Variants in ULK1 observed in about 807,000 individuals in gnomAD.
ULK1 encodes serine/threonine-protein kinase ULK1.
In ULK1, 48 loss-of-function variants were observed where a neutral mutation model predicts 117.5. The ratio of observed to expected loss-of-function variants is 0.41; its 90% confidence interval spans 0.32 to 0.52. ULK1 has a LOEUF of 0.52. Ranked by LOEUF, ULK1 falls within the 20% of genes least tolerant of loss-of-function variation. The pLI is 0.29. For synonymous variants in ULK1, 790 were observed against 637.8 expected (o/e 1.24, Z -3.60); for missense variants, 1,387 against 1,473.4 (o/e 0.94, Z 0.96).
At chr12:131,895,893 C>A in intron 3 of ULK1, 69 bp downstream of exon 3, 1 of 1,583,892 alleles carries the variant, frequency 6.3e-7, no homozygotes, top group South Asian at 1.1e-5. Flanking sequence ...GCTGGATCCC[C>A]TGGTGAGCAC....
chr12:131,912,061 C>G lies in ULK1; in HGVS notation c.1068C>G (p.Asp356Glu), dbSNP rs1406114642. 2.5e-6 allele frequency: 4 copies of G among 1,612,472 alleles called. No homozygotes were observed. Among genetic ancestry groups the G allele is most frequent in the Admixed American group, 1.7e-5 (1 of 59,958 alleles). The change falls in exon 13 of 28, where the codon GAC (aspartate) becomes GAG (glutamate). Residue 356 changes from aspartate (D) to glutamate (E), a missense_variant. By Grantham distance (45) the Asp-to-Glu change is conservative (BLOSUM62 2). Around this residue, in one of 4 missense-constraint regions of ULK1, gnomAD observed 260 missense variants for 271.6 expected, o/e 0.96. Coordinates refer to ENST00000321867, the MANE Select transcript of ULK1 (RefSeq NM_003565.4). ...AGGACTCTTCCTGTGACACAGACGA[C>G]TTCGTCATGGTCCCCGCGCAGTTTC... ...GSKDSSCDTDDFVMVPAQFPG... is the reference protein window; with the variant it reads ...GSKDSSCDTDEFVMVPAQFPG...
intron 25 of ULK1, 75 bp from the exon 26 acceptor site, chr12:131,919,904 C>T (rs1319942636): frequency 3.2e-6 from 5 of 1,559,916 alleles, no homozygotes; most frequent in Non-Finnish European, 4.4e-6. Context: ...GCTCAGTGCA[C>T]CGGGCAGATC....
At chr12:131,915,307 A>G in intron 17 of ULK1, 28 bp from the exon 18 acceptor site, 1 of 1,612,108 alleles carries the variant, frequency 6.2e-7, no homozygotes, top group Non-Finnish European at 8.5e-7. Context: ...TCCCAGCTGG[A>G]CCCTGACAGA....
intron 16 of ULK1, 100 bp downstream of exon 16, chr12:131,914,577 C>A: frequency 1.4e-6 from 2 of 1,463,306 alleles, no homozygotes; most frequent in South Asian, 1.3e-5. Flanking sequence ...CATCCATGTG[C>A]AGTTGTGCAG....
At chr12:131,908,431 G>C (rs530103885) in intron 5 of ULK1, among the ~76,000 whole-genome samples, 144 of 152,224 alleles carry the variant, frequency 9.5e-4, no homozygotes, top group African/African-American at 3.2e-3. Flanking sequence ...TGAGTGGTGG[G>C]GCCGGCGCGC....
In ULK1 at chr12:131,912,101, C is replaced by T. The variant is rs778638979; in HGVS notation, c.1096+12C>T. 1.7e-5 allele frequency: 28 copies of T among 1,608,624 alleles called. No individual in the cohort carries two copies. Among genetic ancestry groups the T allele is most frequent in the African/African-American group, 5.3e-5 (4 of 74,858 alleles). ...CGCGCAGTTTCCAGGTCAGGGGGCA[C>T]GCTGGGCTTGGAGGTGACGCCTCAG... is the stretch of plus-strand genomic sequence containing the variant. On this transcript the variant is annotated intron_variant, in intron 13 of 27. Transcript: ENST00000321867.
intron 18 of ULK1, 53 bp from the exon 19 acceptor site, chr12:131,915,838 C>T: frequency 6.3e-7 from 1 of 1,599,308 alleles, no homozygotes; most frequent in Non-Finnish European, 8.5e-7. Context: ...GCAGTGGGGC[C>T]TAGGGCTGGG....
At chr12:131,896,194 TCCTGCGGCCGGCATTGG>T (rs1393126720) in intron 3 of ULK1, among the ~76,000 whole-genome samples, 1 of 151,886 alleles carries the variant, frequency 6.6e-6, no homozygotes, top group Non-Finnish European at 1.5e-5. Flanking sequence ...TTGACATTGC[TCCTGCGGCCGGCATTGG>T]CCGGCCTCGC....
At chr12:131,909,712 G>A in intron 8 of ULK1, 63 bp from the exon 9 acceptor site, 2 of 1,468,254 alleles carry the variant, frequency 1.4e-6, no homozygotes, top group Non-Finnish European at 1.8e-6. Flanking sequence ...AACGCACCGA[G>A]ACCCCGTGGG....
chr12:131,910,752 C>G lies in ULK1; in HGVS notation c.900C>G (p.Ser300=). The G allele has an allele frequency of 6.2e-7, 1 of 1,612,838 alleles. No homozygotes were observed. Among genetic ancestry groups the G allele is most frequent in the Non-Finnish European group, 8.5e-7 (1 of 1,179,910 alleles). ...VPVPSYPSSG[S]GSSSSSSSTS... ...TGCCCTCGTACCCAAGCTCGGGGTC[C>G]GGCAGCAGCTCCAGCAGCAGCTCCA... Residue 300 remains serine, a synonymous_variant, in exon 12 of 28, where the codon TCC becomes TCG. Transcript: ENST00000321867.
intron 21 of ULK1, 43 bp downstream of exon 21, chr12:131,917,105 G>GGGTTC (rs1411497795): frequency 7.1e-5 from 80 of 1,128,160 alleles, no homozygotes; most frequent in South Asian, 1.6e-4. Flanking sequence ...GATGGGGGTC[G>GGGTTC]GAGGCTGTGG....
At position 131,918,694 on chromosome 12, in the gene ULK1, G is replaced by C. The variant is rs775683917; in HGVS notation, c.2511+13G>C. ...GACCCTCATGGAGGTGAGGGCTGGA[G>C]TGAGCAAAGGTTCCCATTCTGGCTG... On this transcript the variant is annotated intron_variant, in intron 23 of 27. Transcript: ENST00000321867. The C allele has an allele frequency of 1.3e-6, 2 of 1,537,162 alleles. No homozygotes were observed. The highest frequency in any genetic ancestry group is 1.8e-6 in the Non-Finnish European group (2 of 1,139,674).
At position 131,919,287 on chromosome 12, in the gene ULK1, C is replaced by T. The variant is rs543774503; in HGVS notation, c.2587C>T (p.Leu863=). Reference sequence around the variant, plus strand: ...GCAGCACGTCCTGGAGATCGCAGCCCTGAAGGGCAGCGCCAGTGAGGCGGC... The same window carrying T: ...GCAGCACGTCCTGGAGATCGCAGCCTTGAAGGGCAGCGCCAGTGAGGCGGC... ...FVQHVLEIAA[L]KGSASEAAGG... The change falls in exon 24 of 28, where the codon CTG becomes TTG. Residue 863 remains leucine (L), a synonymous_variant. Transcript: ENST00000321867. 2 of 1,597,882 alleles carry T rather than the reference C, an allele frequency of 1.3e-6. No homozygotes were observed. The highest frequency in any genetic ancestry group is 1.7e-5 in the Admixed American group (1 of 59,428).
In ULK1 at chr12:131,923,042, T is replaced by G. The variant is rs968861060; in HGVS notation, c.*1681T>G. On this transcript the variant is annotated 3_prime_UTR_variant, in exon 28 of 28. Coordinates refer to ENST00000321867, the MANE Select transcript of ULK1 (RefSeq NM_003565.4). ...TGCTGCCCCTGGTTGAATGTTCTCT[T>G]GATAGTGCTGGACCCTTTGTCTATT... 6.6e-6 allele frequency: 1 copy of G among 152,298 alleles called. No individual in the cohort carries two copies. Among genetic ancestry groups the G allele is most frequent in the African/African-American group, 2.4e-5 (1 of 41,472 alleles). 9.4% of individuals were successfully genotyped at this position (152,298 alleles called of 1,614,324 possible).
At chr12:131,916,877 C>G in intron 20 of ULK1, 76 bp from the exon 21 acceptor site, 1 of 1,347,268 alleles carries the variant, frequency 7.4e-7, no homozygotes, top group Non-Finnish European at 1.0e-6. Context: ...TGTGTCTGGC[C>G]TGCAGAGGGA....
At chr12:131,920,172 A>G (rs906649334) in intron 26 of ULK1, 36 bp downstream of exon 26, 2 of 1,597,698 alleles carry the variant, frequency 1.3e-6, no homozygotes, top group African/African-American at 1.3e-5. Flanking sequence ...GGCAGGGGCC[A>G]GGAACTTCCA....
At chr12:131,896,219 C>G (rs138645870) in intron 3 of ULK1, among the ~76,000 whole-genome samples, 4 of 152,128 alleles carry the variant, frequency 2.6e-5, no homozygotes, top group Admixed American at 2.6e-4. Flanking sequence ...TGGCCGGCCT[C>G]GCTCTGCGTC....
In ULK1 at chr12:131,909,931, G is replaced by A. The variant is rs1263913883; in HGVS notation, c.738G>A (p.Glu246=). The A allele has an allele frequency of 6.2e-7, 1 of 1,612,070 alleles. No individual in the cohort carries two copies. The highest frequency in any genetic ancestry group is 8.5e-7 in the Non-Finnish European group (1 of 1,179,800). Residue 246 remains glutamate (E), a synonymous_variant, in exon 10 of 28, where the codon GAG becomes GAA. Transcript: ENST00000321867. ...NKTLVPTIPR[E]TSAPLRQLLL... ...CCTCTTGCCCCAGCATCCCCCGGGAGACCTCGGCCCCGCTGCGGCAGCTGC... is the reference window on the plus strand; with the variant it reads ...CCTCTTGCCCCAGCATCCCCCGGGAAACCTCGGCCCCGCTGCGGCAGCTGC...
At chr12:131,907,583 CA>C (rs1210194121) in intron 5 of ULK1, 52 bp downstream of exon 5, 62 of 1,581,124 alleles carry the variant, frequency 3.9e-5, no homozygotes, top group Non-Finnish European at 5.2e-5. Context: ...ACAGGGCCCG[CA>C]CCCAGGGCCA....
Sources: allele counts gnomAD v4.1 joint callset (sites outside exome capture counted in the v4.1 genomes callset), GRCh38; gene constraint gnomAD v4.1.1; regional missense constraint gnomAD v4.1.1; transcripts MANE v1.5; gene names NCBI Gene and HGNC (gene_info 2026-07-23, HGNC 2026-07-21).